Variants in RYR2 observed in about 807,000 individuals in gnomAD.
RYR2 encodes the protein cardiac muscle ryanodine receptor-calcium release channel.
A neutral mutation model predicts 601.1 loss-of-function variants in RYR2; 227 were observed. The ratio of observed to expected loss-of-function variants is 0.38; its 90% CI spans 0.34 to 0.42. The LOEUF (loss-of-function observed/expected upper bound fraction) is 0.42. Ranked by LOEUF, RYR2 falls within the 10% of genes least tolerant of loss-of-function variation. The pLI is 1.00. For synonymous variants in RYR2, 2,223 were observed against 2,175.1 expected (o/e 1.02, Z -0.61); for missense variants, 4,646 against 6,156.5 (o/e 0.75, Z 8.21).
At chr1:237,071,352 T>C (rs1389981145) in intron 1 of RYR2, among the ~76,000 whole-genome samples, 3 of 151,906 alleles carry the variant, frequency 2.0e-5, no homozygotes, top group African/African-American at 7.3e-5. Flanking sequence ...GCCTCCTGAG[T>C]AGCTGGGATT....
chr1:237,779,205 G>A (rs1031424457), intron 88 of RYR2, among the ~76,000 whole-genome samples: 1 of 152,160 alleles, frequency 6.6e-6, no homozygotes, highest in Non-Finnish European at 1.5e-5. Flanking sequence ...TCAGTAGGGC[G>A]ATGCTTACCC....
At chr1:237,632,885 G>A (rs557613732) in intron 42 of RYR2, among the ~76,000 whole-genome samples, 1 of 152,200 alleles carries the variant, frequency 6.6e-6, no homozygotes, top group African/African-American at 2.4e-5. Flanking sequence ...CATATGATCA[G>A]TCTGTTTACC....
rs138955382 is a variant in RYR2 at position 237,282,966 on chromosome 1, C to G, written c.168+12350C>G. On this transcript the variant is annotated intron_variant, in intron 2 of 104. Transcript: ENST00000366574. ...AAGGGAGCTTCTGAAAGCTTTCTAACAGTGGATTGCATTATTTCACCTGTT... is the reference window on the plus strand; with the variant it reads ...AAGGGAGCTTCTGAAAGCTTTCTAAGAGTGGATTGCATTATTTCACCTGTT... Among the ~76,000 whole-genome samples the G allele has an allele frequency of 1.2e-3, 176 of 152,270 alleles. 1 individual carries two copies. The highest frequency in any genetic ancestry group is 2.0e-3 in the Non-Finnish European group (138 of 68,030).
chr1:237,614,741 C>A lies in RYR2; in HGVS notation c.5613C>A (p.Asp1871Glu). ...SDTLEKELSV[D>E]DAKLQGAGEE... is the part of the protein sequence containing the mutation. ...CGCTGGAGAAAGAGCTCAGTGTGGA[C>A]GATGCAAAGCTGCAAGGAGCTGGTG... Residue 1871 changes from aspartate to glutamate, a missense_variant, in exon 37 of 105, where the codon GAC becomes GAA. Physicochemically the swap from Asp to Glu is conservative, Grantham distance 45. This residue lies in a region of RYR2 where 1,807 missense variants were observed against 2,088.1 expected (regional missense o/e 0.87). Coordinates refer to ENST00000366574, the MANE Select transcript of RYR2 (RefSeq NM_001035.3). The surrounding 1 kb of genome is among the most constrained non-coding windows in gnomAD (Gnocchi z 4.3). The A allele has an allele frequency of 6.2e-7, 1 of 1,613,774 alleles. No homozygotes were observed. Among genetic ancestry groups the A allele is most frequent in the Non-Finnish European group, 8.5e-7 (1 of 1,179,762 alleles).
chr1:237,705,218 G>A lies in RYR2; in HGVS notation c.9455G>A (p.Arg3152His), dbSNP rs1307141068. Residue 3152 changes from arginine (R) to histidine (H), a missense_variant, in exon 67 of 105, where the codon CGT becomes CAT. Physicochemically the swap from Arg to His is conservative, Grantham distance 29. Around this residue, in one of 17 missense-constraint regions of RYR2, gnomAD observed 1,497 missense variants for 1,842.6 expected, o/e 0.81. Coordinates refer to ENST00000366574, the MANE Select transcript of RYR2 (RefSeq NM_001035.3). The stretch of plus-strand genomic sequence containing the variant: ...TAAGCATTTTCCACTTATAGGCAAC[G>A]TTCTGCATTAGGAGAATGTCTAGCT... ...TSKSIYVERQ[R>H]SALGECLAAF... 8.7e-6 allele frequency: 14 copies of A among 1,607,250 alleles called. No individual in the cohort carries two copies. The highest frequency in any genetic ancestry group is 1.3e-5 in the African/African-American group (1 of 74,846).
chr1:237,831,284 G>A (rs1663757867), intron 103 of RYR2, among the ~76,000 whole-genome samples: 1 of 152,158 alleles, frequency 6.6e-6, no homozygotes, highest in Non-Finnish European at 1.5e-5. Context: ...ATTCTGACCA[G>A]TGTGTATATT....
At chr1:237,116,174 A>G (rs1670059952) in intron 1 of RYR2, among the ~76,000 whole-genome samples, 1 of 152,106 alleles carries the variant, frequency 6.6e-6, no homozygotes, top group Non-Finnish European at 1.5e-5. Context: ...AGCAGGTGCC[A>G]TCTTGTCCTT....
chr1:237,800,696 A>G (rs781255604), intron 97 of RYR2, among the ~76,000 whole-genome samples: 3 of 152,228 alleles, frequency 2.0e-5, no homozygotes, highest in Admixed American at 1.3e-4. Flanking sequence ...GAAAGTTACA[A>G]TTTCTAGCCT....
chr1:237,461,359 T>G (rs1227530914), intron 16 of RYR2, among the ~76,000 whole-genome samples: 1 of 152,164 alleles, frequency 6.6e-6, no homozygotes, highest in African/African-American at 2.4e-5. Context: ...CTCAGGGAGC[T>G]CTCACACACT....
chr1:237,644,227 T>G (rs79014722), intron 48 of RYR2, among the ~76,000 whole-genome samples: 3,069 of 152,140 alleles, frequency 0.02, 51 homozygotes, highest in Non-Finnish European at 0.031. Flanking sequence ...GTGTTTGTTG[T>G]TTTTTTGGTT....
intron 1 of RYR2, among the ~76,000 whole-genome samples, chr1:237,092,427 T>C (rs1667058886): frequency 6.6e-6 from 1 of 152,214 alleles, no homozygotes; most frequent in Non-Finnish European, 1.5e-5. Context: ...TTCTGCCATG[T>C]GAAATGTCCC....
At chr1:237,065,943 T>C (rs10802586) in intron 1 of RYR2, among the ~76,000 whole-genome samples, 118,648 of 152,036 alleles carry the variant, frequency 0.78, 46,812 homozygotes, top group East Asian at 0.99. Flanking sequence ...CAAGAGCACT[T>C]GCTCACTATC....
At chr1:237,216,621 C>T (rs1430866583) in intron 1 of RYR2, among the ~76,000 whole-genome samples, 1 of 151,712 alleles carries the variant, frequency 6.6e-6, no homozygotes, top group Admixed American at 6.6e-5. Flanking sequence ...CCTGTAATCC[C>T]AGCTACTTAG....
At chr1:237,220,791 G>A (rs1204888976) in intron 1 of RYR2, among the ~76,000 whole-genome samples, 1 of 152,138 alleles carries the variant, frequency 6.6e-6, no homozygotes, top group Admixed American at 6.6e-5. Flanking sequence ...TATTCTTGCT[G>A]TTTCGAAGGA....
intron 25 of RYR2, among the ~76,000 whole-genome samples, chr1:237,536,730 A>AG (rs1668664758): frequency 7.2e-6 from 1 of 138,196 alleles, no homozygotes; most frequent in Non-Finnish European, 1.6e-5. Flanking sequence ...AAAAAAAAAA[A>AG]AAAAAATTAG....
intron 47 of RYR2, among the ~76,000 whole-genome samples, chr1:237,643,069 T>G (rs149620675): frequency 6.6e-6 from 1 of 152,362 alleles, no homozygotes; most frequent in Non-Finnish European, 1.5e-5. Flanking sequence ...GGATAAAAAC[T>G]ATTATTCTAA....
At chr1:237,312,080 G>T (rs961242059) in intron 2 of RYR2, among the ~76,000 whole-genome samples, 1 of 152,112 alleles carries the variant, frequency 6.6e-6, no homozygotes, top group African/African-American at 2.4e-5. Context: ...TTTTTATGAG[G>T]CTCTGAAGGA....
At chr1:237,343,445 G>A (rs984497890) in intron 3 of RYR2, among the ~76,000 whole-genome samples, 10 of 152,176 alleles carry the variant, frequency 6.6e-5, no homozygotes, top group Admixed American at 2.6e-4. Flanking sequence ...AATAGTGAGA[G>A]CGAGCTGAAT....
chr1:237,802,714 C>T (rs143516442), intron 98 of RYR2, among the ~76,000 whole-genome samples: 1 of 152,376 alleles, frequency 6.6e-6, no homozygotes, highest in Non-Finnish European at 1.5e-5. Flanking sequence ...AGCTTTGGCT[C>T]TAGTTGGCAT....
Sources: gnomAD v4.1 joint callset for allele counts (sites outside exome capture counted in the v4.1 genomes callset) on GRCh38, gnomAD v4.1.1 for gene constraint, gnomAD v4.1.1 regional missense constraint, Gnocchi (gnomAD v3.1) non-coding constraint, MANE v1.5 for transcripts, NCBI Gene and HGNC (gene_info 2026-07-23, HGNC 2026-07-21) for gene names.